The following TASP1 variants were observed in gnomAD, a reference collection of about 807,000 sequenced individuals.
TASP1 encodes the protein taspase 1, also known as threonine aspartase 1.
In TASP1, 16 loss-of-function variants were observed where a neutral mutation model predicts 56.6. The observed-to-expected ratio is 0.28, with a 90% CI of 0.19 to 0.43. TASP1 has a LOEUF of 0.43. Ranked by LOEUF, TASP1 falls within the 20% of genes least tolerant of loss-of-function variation. The pLI, the probability that TASP1 is intolerant of heterozygous loss-of-function variation, is 1.00. For synonymous variants in TASP1, 179 were observed against 184.2 expected (o/e 0.97, Z 0.23); for missense variants, 393 against 511.6 (o/e 0.77, Z 2.24).
chr20:13,413,843 C>T (rs1386974791), intron 13 of TASP1, among the ~76,000 whole-genome samples: 1 of 152,180 alleles, frequency 6.6e-6, no homozygotes, highest in African/African-American at 2.4e-5. Context: ...TGCTGTTGCT[C>T]TATCCATCCA....
rs758004175 is a variant in TASP1 at position 13,390,447 on chromosome 20, G to A, written c.1176C>T (p.His392=). The A allele has an allele frequency of 1.2e-6, 2 of 1,613,448 alleles. No individual in the cohort carries two copies. Among genetic ancestry groups the A allele is most frequent in the Non-Finnish European group, 1.7e-6 (2 of 1,179,778 alleles). The change falls in exon 14 of 14, where the codon CAC becomes CAT. Residue 392 remains histidine (H), a synonymous_variant. Coordinates refer to ENST00000337743, the MANE Select transcript of TASP1 (RefSeq NM_017714.3). ...MSAQDGKAKT[H]ISRLPPGAVA... Reference sequence around the variant, plus strand: ...CCGCACCAGGAGGAAGTCTTGAAATGTGAGTCTGCAGAGAGAGAGAGACAG... The same window carrying A: ...CCGCACCAGGAGGAAGTCTTGAAATATGAGTCTGCAGAGAGAGAGAGACAG...
At chr20:13,283,874 C>T in the TASP1 span, among the ~76,000 whole-genome samples, 1 of 152,160 alleles carries the variant, frequency 6.6e-6, no homozygotes, top group Admixed American at 6.5e-5. Flanking sequence ...AGTGGTTTTC[C>T]TTTATAATGT....
the TASP1 span, among the ~76,000 whole-genome samples, chr20:13,313,195 C>T: frequency 1.3e-5 from 2 of 152,216 alleles, no homozygotes; most frequent in African/African-American, 4.8e-5. Context: ...ACTTTGGCTT[C>T]CATTCCAGTG....
intron 10 of TASP1, among the ~76,000 whole-genome samples, chr20:13,483,725 A>T (rs565494202): frequency 6.6e-6 from 1 of 152,318 alleles, no homozygotes; most frequent in South Asian, 2.1e-4. Context: ...TAAAAGTGTG[A>T]ATTTTTCAGG....
the TASP1 span, among the ~76,000 whole-genome samples, chr20:13,315,701 C>A: frequency 4.0e-3 from 606 of 152,070 alleles, 6 homozygotes; most frequent in African/African-American, 0.014. Context: ...AATACACTTT[C>A]TTCTCAAGCT....
chr20:13,121,005 C>A, the TASP1 span, among the ~76,000 whole-genome samples: 1 of 152,328 alleles, frequency 6.6e-6, no homozygotes, highest in East Asian at 1.9e-4. Context: ...AGCTCCGTGC[C>A]ATGAATGGCT....
At chr20:13,288,042 A>C in the TASP1 span, among the ~76,000 whole-genome samples, 17 of 152,190 alleles carry the variant, frequency 1.1e-4, no homozygotes, top group Admixed American at 2.0e-4. Context: ...GTGATGTCCC[A>C]TAATTCACAG....
chr20:13,126,036 C>A, the TASP1 span, among the ~76,000 whole-genome samples: 1 of 152,092 alleles, frequency 6.6e-6, no homozygotes, highest in African/African-American at 2.4e-5. Flanking sequence ...TCTTTTCCCC[C>A]TTAATTATCT....
the TASP1 span, among the ~76,000 whole-genome samples, chr20:13,344,005 T>G: frequency 6.6e-6 from 1 of 152,056 alleles, no homozygotes; most frequent in Admixed American, 6.5e-5. Context: ...ATGCTCTCAC[T>G]GGTAGTCCCT....
the TASP1 span, among the ~76,000 whole-genome samples, chr20:13,261,789 GATA>G: frequency 6.6e-6 from 1 of 152,170 alleles, no homozygotes; most frequent in Non-Finnish European, 1.5e-5. Flanking sequence ...CCTTAATTAG[GATA>G]ATAACTTGGC....
the TASP1 span, among the ~76,000 whole-genome samples, chr20:13,107,996 A>G: frequency 6.6e-6 from 1 of 152,100 alleles, no homozygotes; most frequent in African/African-American, 2.4e-5. Context: ...TATTAACACT[A>G]CTGTTTGGAT....
chr20:13,132,667 CCT>C, the TASP1 span, among the ~76,000 whole-genome samples: 14 of 152,222 alleles, frequency 9.2e-5, no homozygotes, highest in East Asian at 2.7e-3. Flanking sequence ...TCTCGCTATC[CCT>C]CTTACCTCAG....
chr20:13,197,830 G>C, the TASP1 span, among the ~76,000 whole-genome samples: 10 of 152,058 alleles, frequency 6.6e-5, no homozygotes, highest in Non-Finnish European at 1.3e-4. Context: ...CCTGGCTAGC[G>C]ATTTATAAAA....
At chr20:13,357,697 T>C in the TASP1 span, among the ~76,000 whole-genome samples, 1 of 152,172 alleles carries the variant, frequency 6.6e-6, no homozygotes, top group Non-Finnish European at 1.5e-5. Context: ...GACTTACACA[T>C]GAATATCTAC....
intron 13 of TASP1, among the ~76,000 whole-genome samples, chr20:13,402,380 C>A (rs192977716): frequency 6.6e-6 from 1 of 152,324 alleles, no homozygotes; most frequent in Non-Finnish European, 1.5e-5. Context: ...TCTAAATAGA[C>A]CCAATGGGAT....
At position 13,417,497 on chromosome 20, in the gene TASP1, G is replaced by A. The variant is rs1568772221; in HGVS notation, c.1121C>T (p.Thr374Met). Reference sequence around the variant, plus strand: ...CATATATCCGACACACATGCTCTCCGTCGTGTGGCTCCACAGAAATTCCAC... The same window carrying A: ...CATATATCCGACACACATGCTCTCCATCGTGTGGCTCCACAGAAATTCCAC... ...LLVEFLWSHT[T>M]ESMCVGYMSA... The change falls in exon 13 of 14, where the codon ACG becomes ATG. Residue 374 changes from threonine (T) to methionine (M), a missense_variant. Thr to Met is a moderately conservative substitution (Grantham distance 81, BLOSUM62 -1). Around this residue, in one of 3 missense-constraint regions of TASP1, gnomAD observed 293 missense variants for 354.2 expected, o/e 0.83. Transcript: ENST00000337743. 3.7e-6 allele frequency: 6 copies of A among 1,614,104 alleles called. No individual in the cohort carries two copies. The highest frequency in any genetic ancestry group is 2.2e-5 in the South Asian group (2 of 91,080).
chr20:13,571,475 T>C (rs1435392607), intron 6 of TASP1, among the ~76,000 whole-genome samples: 1 of 152,224 alleles, frequency 6.6e-6, no homozygotes, highest in East Asian at 1.9e-4. Context: ...AAAGTCCCAT[T>C]GACTCTACCT....
chr20:13,596,134 A>G (rs2047720824), intron 4 of TASP1, among the ~76,000 whole-genome samples: 1 of 152,152 alleles, frequency 6.6e-6, no homozygotes, highest in South Asian at 2.1e-4. Context: ...GCACTTTGGG[A>G]GGCCGAGGAG....
the TASP1 span, among the ~76,000 whole-genome samples, chr20:13,278,458 A>T: frequency 1.3e-4 from 20 of 152,118 alleles, no homozygotes; most frequent in African/African-American, 3.9e-4. Context: ...CCCCACCTGC[A>T]CCTGTGGTCT....
Sources: allele counts gnomAD v4.1 joint callset (sites outside exome capture counted in the v4.1 genomes callset), GRCh38; gene constraint gnomAD v4.1.1; regional missense constraint gnomAD v4.1.1; transcripts MANE v1.5; gene names NCBI Gene and HGNC (gene_info 2026-07-23, HGNC 2026-07-21).